MRPS11: variants seen among roughly 807,000 people sequenced by gnomAD.
MRPS11 encodes the protein mitochondrial ribosomal protein S11.
MRPS11 carries 27 observed loss-of-function variants against 24.3 expected under a neutral mutation model. That is an observed-to-expected ratio of 1.11 (90% CI 0.82 to 1.53). The LOEUF (loss-of-function observed/expected upper bound fraction) is 1.53. Ranked by LOEUF, MRPS11 falls within the 40% of genes most tolerant of loss-of-function variation. The pLI is 0.00. For missense variants in MRPS11, 277 were observed against 256.5 expected (o/e 1.08, Z -0.55); for synonymous variants, 104 against 98.7 (o/e 1.05, Z -0.32).
Position 88,469,617 on chromosome 15 carries a change from A to T in MRPS11, c.182+1593A>T, listed in dbSNP as rs1445411371. 6.6e-6 allele frequency among the ~76,000 whole-genome samples: 1 copy of T among 152,228 alleles called. No individual in the cohort carries two copies. Among genetic ancestry groups the T allele is most frequent in the South Asian group, 2.1e-4 (1 of 4,834 alleles). Reference sequence around the variant, plus strand: ...GAGGCCAATGGAAATTGCTGAATAAAGGGTTGACATGATCTTGCTGACAAG... The same window carrying T: ...GAGGCCAATGGAAATTGCTGAATAATGGGTTGACATGATCTTGCTGACAAG... On this transcript the variant is annotated intron_variant, in intron 2 of 5. Coordinates refer to ENST00000325844, the MANE Select transcript of MRPS11 (RefSeq NM_022839.5). The surrounding 1 kb of genome is among the most constrained non-coding windows in gnomAD (Gnocchi z 4.4).
At position 88,475,150 on chromosome 15, in the gene MRPS11, G is replaced by A. The variant is rs769166605; in HGVS notation, c.322G>A (p.Ala108Thr). 1 of 1,614,218 alleles carries A rather than the reference G, an allele frequency of 6.2e-7. No individual in the cohort carries two copies. The highest frequency in any genetic ancestry group is 8.5e-7 in the Non-Finnish European group (1 of 1,180,040). The part of the protein sequence containing the change: ...QVVSASNEPL[A>T]FASCGTEGFR... Reference sequence around the variant, plus strand: ...AGTCTCTGCTAGTAATGAGCCCCTTGCCTTTGCTTCCTGTGGCACAGAGGG... The same window carrying A: ...AGTCTCTGCTAGTAATGAGCCCCTTACCTTTGCTTCCTGTGGCACAGAGGG... The change falls in exon 4 of 6, where the codon GCC becomes ACC. Residue 108 changes from alanine to threonine, a missense_variant. Coordinates refer to ENST00000325844, the MANE Select transcript of MRPS11 (RefSeq NM_022839.5). This position sits in a 1 kb window ranked among gnomAD's most constrained non-coding sequence, Gnocchi z 4.1.
At chr15:88,472,519 A>C (rs2289416) in intron 2 of MRPS11, 108 bp from the exon 3 acceptor site, 30,506 of 858,258 alleles carry the variant, frequency 0.036, 3,052 homozygotes, top group African/African-American at 0.29. Context: ...GCAGCCACTT[A>C]AGAAGCAGCA....
intron 3 of MRPS11, among the ~76,000 whole-genome samples, chr15:88,473,927 C>T (rs753591718): frequency 2.1e-4 from 32 of 152,246 alleles, no homozygotes; most frequent in Non-Finnish European, 3.8e-4. Flanking sequence ...CAGTGGCTCA[C>T]ACCTATAATC....
chr15:88,477,209 C>G lies in MRPS11; in HGVS notation c.477+155C>G, dbSNP rs1046098373. 4.6e-5 allele frequency among the ~76,000 whole-genome samples: 7 copies of G among 152,142 alleles called. No individual in the cohort carries two copies. The highest frequency in any genetic ancestry group is 1.7e-4 in the African/African-American group (7 of 41,418). On this transcript the variant is annotated intron_variant, in intron 5 of 5. Transcript: ENST00000325844. The surrounding 1 kb of genome is among the most constrained non-coding windows in gnomAD (Gnocchi z 5.7). ...CTGTTGTTTCTATAATTGACCAAGC[C>G]CCTCAGAGCAAGCCTAGATCACTTA...
chr15:88,467,872 G>T (rs934460516), intron 1 of MRPS11, 36 bp from the exon 2 acceptor site: 3 of 1,613,362 alleles, frequency 1.9e-6, no homozygotes, highest in African/African-American at 2.7e-5. Context: ...CCCAGTGACC[G>T]TTAGGCCGTG....
chr15:88,477,775 C>A lies in MRPS11; in HGVS notation c.478-97C>A. ...GAGCATCTCACCCCTCCGTTCCCTT[C>A]TCTACGCCACCCTGTCCCTCTCCGA... is the stretch of plus-strand genomic sequence containing the variant. On this transcript the variant is annotated intron_variant, in intron 5 of 5. Coordinates refer to ENST00000325844, the MANE Select transcript of MRPS11 (RefSeq NM_022839.5). This position sits in a 1 kb window ranked among gnomAD's most constrained non-coding sequence, Gnocchi z 5.7. 9.7e-7 allele frequency: 1 copy of A among 1,034,740 alleles called. No individual in the cohort carries two copies. The highest frequency in any genetic ancestry group is 1.5e-6 in the Non-Finnish European group (1 of 676,194). The allele number at this position is 1,034,740 out of a possible 1,614,324, so 64.1% of individuals were successfully genotyped here.
intron 2 of MRPS11, chr15:88,468,648 C>A: frequency 6.2e-6 from 2 of 323,800 alleles, no homozygotes; most frequent in Non-Finnish European, 8.9e-6. Flanking sequence ...AACATGCAAA[C>A]ATTTTAACCA....
chr15:88,467,751 C>A lies in MRPS11; in HGVS notation c.34C>A (p.Leu12Met). The change falls in exon 1 of 6, where the codon CTG (leucine) becomes ATG (methionine). Residue 12 changes from leucine (L) to methionine (M), a missense_variant. By Grantham distance (15) the Leu-to-Met change is conservative. Coordinates refer to ENST00000325844, the MANE Select transcript of MRPS11 (RefSeq NM_022839.5). ...QAVRNAGSRF[L>M]RSWTWPQTAG... is the part of the protein sequence containing the mutation. Reference sequence around the variant, plus strand: ...TGTGAGAAACGCGGGGTCGCGGTTCCTGCGGTCCTGGACTTGGCCCCAGAC... The same window carrying A: ...TGTGAGAAACGCGGGGTCGCGGTTCATGCGGTCCTGGACTTGGCCCCAGAC... The A allele has an allele frequency of 6.2e-7, 1 of 1,614,080 alleles. No homozygotes were observed. Among genetic ancestry groups the A allele is most frequent in the Non-Finnish European group, 8.5e-7 (1 of 1,180,028 alleles).
intron 2 of MRPS11, among the ~76,000 whole-genome samples, chr15:88,470,183 C>T (rs1261336634): frequency 3.3e-5 from 5 of 152,046 alleles, no homozygotes; most frequent in South Asian, 2.1e-4. Flanking sequence ...GGTGTGGTGG[C>T]GTGGGTCTAT....
Position 88,477,757 on chromosome 15 carries a change from T to A in MRPS11, c.478-115T>A. ...ATAGGTATCAAAGCCAGTGAGCATC[T>A]CACCCCTCCGTTCCCTTCTCTACGC... On this transcript the variant is annotated intron_variant, in intron 5 of 5. Coordinates refer to ENST00000325844, the MANE Select transcript of MRPS11 (RefSeq NM_022839.5). This position sits in a 1 kb window ranked among gnomAD's most constrained non-coding sequence, Gnocchi z 5.7. 1.2e-6 allele frequency: 1 copy of A among 832,394 alleles called. No individual in the cohort carries two copies. Among genetic ancestry groups the A allele is most frequent in the South Asian group, 1.4e-5 (1 of 69,774 alleles). 51.6% of individuals were successfully genotyped at this position (832,394 alleles called of 1,614,324 possible).
At chr15:88,474,858 C>CT (rs1440251925) in intron 3 of MRPS11, among the ~76,000 whole-genome samples, 1 of 152,192 alleles carries the variant, frequency 6.6e-6, no homozygotes, top group Non-Finnish European at 1.5e-5. Flanking sequence ...TGATACTTAA[C>CT]TAACTACTCT....
rs1296365793 is a variant in MRPS11 at position 88,468,025 on chromosome 15, G to T, written c.182+1G>T. The T allele has an allele frequency of 1.9e-6, 3 of 1,600,452 alleles. No homozygotes were observed. The highest frequency in any genetic ancestry group is 2.7e-5 in the African/African-American group (2 of 74,638). On this transcript the variant is annotated splice_donor_variant, in intron 2 of 5. Transcript: ENST00000325844. LOFTEE classifies it high-confidence loss of function. ...CGGCTCCCAGCCACACCAAGTTCAG[G>T]TGAGCCCCACTTGGACCAGCCCTCT...
Position 88,475,080 on chromosome 15 carries a change from T to A in MRPS11, c.282-30T>A. ...CTCTTATTTCCCTGAAGAAGAGTTG[T>A]ATCCTATGTGCTTCTTCTACTTTTC... On this transcript the variant is annotated intron_variant, in intron 3 of 5. Transcript: ENST00000325844. The surrounding 1 kb of genome is among the most constrained non-coding windows in gnomAD (Gnocchi z 4.1). 1 of 1,613,434 alleles carries A rather than the reference T, an allele frequency of 6.2e-7. No homozygotes were observed. Among genetic ancestry groups the A allele is most frequent in the Non-Finnish European group, 8.5e-7 (1 of 1,179,540 alleles).
intron 2 of MRPS11, 61 bp downstream of exon 2, chr15:88,468,085 CTCCAGAG>C: frequency 6.5e-7 from 1 of 1,541,062 alleles, no homozygotes; most frequent in Non-Finnish European, 8.8e-7. Flanking sequence ...GCCCGACACC[CTCCAGAG>C]TCAGAACCAG....
At chr15:88,476,878 C>G in intron 4 of MRPS11, 111 bp from the exon 5 acceptor site, 1 of 1,067,012 alleles carries the variant, frequency 9.4e-7, no homozygotes, top group Non-Finnish European at 1.4e-6. Context: ...GTTTACTTCT[C>G]TGGATGCCCT....
intron 3 of MRPS11, among the ~76,000 whole-genome samples, chr15:88,474,296 A>C (rs895498990): frequency 6.6e-6 from 1 of 152,270 alleles, no homozygotes; most frequent in Non-Finnish European, 1.5e-5. Flanking sequence ...GAGGTGGCTC[A>C]TGCCTGTAAT....
chr15:88,470,327 A>T (rs1238324332), intron 2 of MRPS11, among the ~76,000 whole-genome samples: 2 of 152,164 alleles, frequency 1.3e-5, no homozygotes, highest in African/African-American at 4.8e-5. Flanking sequence ...ACAAGCAAAA[A>T]AAGAAATGGA....
chr15:88,470,483 G>A (rs1244973343), intron 2 of MRPS11, among the ~76,000 whole-genome samples: 1 of 152,186 alleles, frequency 6.6e-6, no homozygotes, highest in Non-Finnish European at 1.5e-5. Context: ...ACCCTGGGGC[G>A]CTTTCACATT....
At chr15:88,473,736 G>T (rs887732251) in intron 3 of MRPS11, among the ~76,000 whole-genome samples, 5 of 152,194 alleles carry the variant, frequency 3.3e-5, no homozygotes, top group Admixed American at 6.5e-5. Flanking sequence ...ACTCCAGCAG[G>T]CCTCCCCTTC....
Sources: gnomAD v4.1 joint callset for allele counts (sites outside exome capture counted in the v4.1 genomes callset) on GRCh38, gnomAD v4.1.1 for gene constraint, Gnocchi (gnomAD v3.1) non-coding constraint, MANE v1.5 for transcripts, NCBI Gene and HGNC (gene_info 2026-07-23, HGNC 2026-07-21) for gene names.